ZNF723: variants seen among roughly 807,000 people sequenced by gnomAD.
ZNF723 encodes the protein zinc finger protein 723, pseudogene.
In ZNF723, 5 loss-of-function variants were observed where a neutral mutation model predicts 9.4. The observed-to-expected ratio is 0.53, with a 90% CI of 0.28 to 1.12. The LOEUF is 1.12. ZNF723 is among the 50% of genes most tolerant of loss of function. The probability of loss-of-function intolerance (pLI) is 0.10; values close to 1 mark genes in which losing one functional copy is unlikely to be tolerated. For synonymous variants in ZNF723, 158 were observed against 168.8 expected (o/e 0.94, Z 0.49); for missense variants, 450 against 501.5 (o/e 0.90, Z 0.98).
chr19:22,847,855 C>T (rs1448812367), intron 1 of ZNF723, among the ~76,000 whole-genome samples: 2 of 152,020 alleles, frequency 1.3e-5, no homozygotes, highest in Non-Finnish European at 2.9e-5. Context: ...AATCCCAGCA[C>T]TTTGGGAGGC....
At chr19:22,833,433 G>T (rs963859548) in intron 1 of ZNF723, among the ~76,000 whole-genome samples, 1 of 152,000 alleles carries the variant, frequency 6.6e-6, no homozygotes, top group Non-Finnish European at 1.5e-5. Context: ...GTACAGGCGT[G>T]AGCCACCGCT....
At chr19:22,828,322 T>C (rs1302217628), upstream of ZNF723, among the ~76,000 whole-genome samples, 1 of 152,178 alleles carries the variant, frequency 6.6e-6, no homozygotes, top group African/African-American at 2.4e-5. Context: ...GGTCACACTC[T>C]GACCTACGTA....
At chr19:22,848,068 C>T (rs537148211) in intron 1 of ZNF723, among the ~76,000 whole-genome samples, 193 bp from the exon 2 acceptor site, 127 of 149,806 alleles carry the variant, frequency 8.5e-4, no homozygotes, top group African/African-American at 3.0e-3. Context: ...CACCATTGTA[C>T]TCCAGCCTGG....
At chr19:22,856,195 A>G (rs563251382) in intron 3 of ZNF723, among the ~76,000 whole-genome samples, 1 of 152,250 alleles carries the variant, frequency 6.6e-6, no homozygotes, top group South Asian at 2.1e-4. Flanking sequence ...TCCTGACCTC[A>G]TGATCTGCCC....
At chr19:22,836,420 G>A (rs1967167831) in intron 1 of ZNF723, among the ~76,000 whole-genome samples, 1 of 152,192 alleles carries the variant, frequency 6.6e-6, no homozygotes, top group South Asian at 2.1e-4. Context: ...GCAGCAGGAG[G>A]AAGTACCAAC....
upstream of ZNF723, among the ~76,000 whole-genome samples, chr19:22,827,639 G>A (rs1967051917): frequency 1.3e-5 from 2 of 152,016 alleles, no homozygotes; most frequent in South Asian, 2.1e-4. Flanking sequence ...AGTAGAGACA[G>A]AATTTCACCA....
chr19:22,856,208 C>T, intron 3 of ZNF723, among the ~76,000 whole-genome samples: 1 of 152,184 alleles, frequency 6.6e-6, no homozygotes, highest in East Asian at 1.9e-4. Context: ...ATCTGCCCAC[C>T]TCGGCCTCCC....
chr19:22,815,205 G>A, the ZNF723 span, among the ~76,000 whole-genome samples: 1 of 152,076 alleles, frequency 6.6e-6, no homozygotes. Context: ...GTTACATATT[G>A]CTAGGTGTCA....
chr19:22,822,052 G>T, the ZNF723 span, among the ~76,000 whole-genome samples: 9 of 152,322 alleles, frequency 5.9e-5, no homozygotes, highest in East Asian at 1.7e-3. Flanking sequence ...AGAGGTTGCA[G>T]TGAGCTGATA....
chr19:22,829,027 G>T (rs760317700), upstream of ZNF723, among the ~76,000 whole-genome samples: 5 of 151,930 alleles, frequency 3.3e-5, no homozygotes, highest in Non-Finnish European at 5.9e-5. Context: ...ACAAAAATTA[G>T]CCAGGCATGG....
At position 22,845,055 on chromosome 19, in the gene ZNF723, G is replaced by C. The variant is rs1281868138; in HGVS notation, c.4-3206G>C. Among the ~76,000 whole-genome samples the C allele has an allele frequency of 2.0e-5, 3 of 152,212 alleles. No individual in the cohort carries two copies. The East Asian group carries it at 5.8e-4, about 29-fold the overall frequency. The stretch of plus-strand genomic sequence containing the variant: ...AATGGCATGAACCCGGGAGGCGGAG[G>C]TTGCAGTGAGCCGATATCACGCCAC... On this transcript the variant is annotated intron_variant, in intron 1 of 3. Transcript: ENST00000600766.
intron 2 of ZNF723, 60 bp downstream of exon 2, chr19:22,848,447 G>T: frequency 8.2e-7 from 1 of 1,218,058 alleles, no homozygotes. Flanking sequence ...TTTTGGTGTT[G>T]TAGAATGTTT....
intron 1 of ZNF723, among the ~76,000 whole-genome samples, chr19:22,837,581 C>T (rs1376036505): frequency 6.6e-6 from 1 of 152,176 alleles, no homozygotes; most frequent in Non-Finnish European, 1.5e-5. Context: ...TTCCTGTACA[C>T]AGGCCGTCAC....
Position 22,832,391 on chromosome 19 carries a change from A to G in ZNF723, c.3+9A>G. On this transcript the variant is annotated intron_variant, in intron 1 of 3. Coordinates refer to ENST00000600766, the MANE Select transcript of ZNF723 (RefSeq NM_001349726.2). ...CTGGAAGCCTAGAAATGGTGAGAGT[A>G]CCGGGTCCGACATCCCGAGAGAGGG... 7.3e-7 allele frequency: 1 copy of G among 1,378,828 alleles called. No individual in the cohort carries two copies. The highest frequency in any genetic ancestry group is 1.0e-6 in the Non-Finnish European group (1 of 983,672). The allele number at this position is 1,378,828 out of a possible 1,614,324, so 85.4% of individuals were successfully genotyped here.
the ZNF723 span, among the ~76,000 whole-genome samples, chr19:22,826,760 G>A: frequency 6.6e-6 from 1 of 152,140 alleles, no homozygotes; most frequent in Non-Finnish European, 1.5e-5. Flanking sequence ...TTTTCTAATG[G>A]CTCTACGAAC....
intron 3 of ZNF723, among the ~76,000 whole-genome samples, chr19:22,854,449 A>T (rs927347758): frequency 6.6e-6 from 1 of 152,160 alleles, no homozygotes; most frequent in Non-Finnish European, 1.5e-5. Context: ...TTTTTTAAAT[A>T]AATCCTTTTA....
intron 1 of ZNF723, among the ~76,000 whole-genome samples, chr19:22,843,124 C>G (rs1188103228): frequency 6.6e-6 from 1 of 152,210 alleles, no homozygotes; most frequent in Non-Finnish European, 1.5e-5. Flanking sequence ...CCTGTTCTTC[C>G]TCTTACCTAA....
the ZNF723 span, among the ~76,000 whole-genome samples, chr19:22,812,561 C>T: frequency 2.6e-5 from 4 of 152,098 alleles, no homozygotes; most frequent in African/African-American, 9.7e-5. Flanking sequence ...TCATGAAGGT[C>T]ATAGAGCAGT....
chr19:22,829,481 T>C (rs1162736842), upstream of ZNF723, among the ~76,000 whole-genome samples: 3 of 152,000 alleles, frequency 2.0e-5, no homozygotes, highest in Non-Finnish European at 4.4e-5. Context: ...GACAGAGTTT[T>C]ACCATGTTGG....
Sources: allele counts gnomAD v4.1 joint callset (sites outside exome capture counted in the v4.1 genomes callset), GRCh38; gene constraint gnomAD v4.1.1; transcripts MANE v1.5; gene names NCBI Gene and HGNC (gene_info 2026-07-23, HGNC 2026-07-21).